ARHGEF4: variants seen among roughly 807,000 people sequenced by gnomAD.
ARHGEF4 encodes Rho guanine nucleotide exchange factor 4.
In ARHGEF4, 119 loss-of-function variants were observed where a neutral mutation model predicts 162.0. That is an observed-to-expected ratio of 0.73 (90% confidence interval 0.63 to 0.86). The LOEUF (loss-of-function observed/expected upper bound fraction) is 0.86, where lower values mean the gene tolerates loss of function less well. ARHGEF4 is among the 40% of genes least tolerant of loss of function. The pLI is 0.00. For synonymous variants in ARHGEF4, 1,014 were observed against 979.9 expected, an observed-to-expected ratio of 1.03 and a Z score of -0.65; for missense variants, 2,488 against 2,456.0, an observed-to-expected ratio of 1.01 and a Z score of -0.28.
intron 1 of ARHGEF4, among the ~76,000 whole-genome samples, chr2:130,866,502 A>T (rs1682290347): frequency 6.6e-6 from 1 of 152,284 alleles, no homozygotes; most frequent in East Asian, 1.9e-4. Flanking sequence ...AGGATGCATG[A>T]TGTTAGCCGT....
Position 130,975,001 on chromosome 2 carries a change from T to A in ARHGEF4, c.3985+28366T>A, listed in dbSNP as rs1180908529. 3.3e-5 allele frequency among the ~76,000 whole-genome samples: 5 copies of A among 151,416 alleles called. No individual in the cohort carries two copies. In the South Asian group the frequency reaches 1.0e-3, roughly 32 times the overall value. On this transcript the variant is annotated intron_variant, in intron 4 of 13. Transcript: ENST00000409359. ...ACTAAAGTTCTTTTTCCTTTTCCTT[T>A]AAAAAAAAATAAGTTAGTCTCAGGT...
chr2:131,020,591 T>C (rs894298703), intron 4 of ARHGEF4, among the ~76,000 whole-genome samples: 4 of 152,194 alleles, frequency 2.6e-5, no homozygotes, highest in African/African-American at 9.7e-5. Flanking sequence ...CAGTCTGTCG[T>C]TGTTGGACAT....
rs899884188 is a variant in ARHGEF4, at chr2:130,968,137, T to C, written c.3985+21502T>C. Among the ~76,000 whole-genome samples, 4 of 152,162 alleles carry C rather than the reference T, an allele frequency of 2.6e-5. 1 individual carries two copies. Among genetic ancestry groups the C allele is most frequent in the African/African-American group, 9.7e-5 (4 of 41,430 alleles). ...CATAAATCACATTGTTGGGGGAAAT[T>C]ATCTGGCATGGCCCAAGGCCCTAGA... On this transcript the variant is annotated intron_variant, in intron 4 of 13. Coordinates refer to ENST00000409359, the MANE Select transcript of ARHGEF4 (RefSeq NM_001367493.1).
At chr2:130,946,113 G>T (rs933560236) in intron 3 of ARHGEF4, among the ~76,000 whole-genome samples, 1 of 152,192 alleles carries the variant, frequency 6.6e-6, no homozygotes, top group Non-Finnish European at 1.5e-5. Context: ...ATAATTAGGA[G>T]ATGTCACGGA....
intron 1 of ARHGEF4, among the ~76,000 whole-genome samples, chr2:130,870,142 G>C (rs1014457489): frequency 3.8e-4 from 58 of 152,184 alleles, no homozygotes; most frequent in Non-Finnish European, 2.1e-4. Context: ...GACGCTGCTG[G>C]AGGGTGGGAG....
intron 4 of ARHGEF4, among the ~76,000 whole-genome samples, chr2:131,003,128 T>C (rs908314742): frequency 6.6e-6 from 1 of 152,128 alleles, no homozygotes; most frequent in Non-Finnish European, 1.5e-5. Flanking sequence ...ACCTTGACGA[T>C]GGGGCATTCG....
chr2:130,889,405 C>G (rs574933995), intron 1 of ARHGEF4, among the ~76,000 whole-genome samples: 1 of 152,168 alleles, frequency 6.6e-6, no homozygotes, highest in African/African-American at 2.4e-5. Flanking sequence ...GCTTCCCTTG[C>G]TATTCATTCT....
chr2:130,999,274 C>A (rs759353963), intron 4 of ARHGEF4, among the ~76,000 whole-genome samples: 1 of 151,518 alleles, frequency 6.6e-6, no homozygotes, highest in South Asian at 2.1e-4. Flanking sequence ...CCTGACTCAG[C>A]CTTCCAACTA....
intron 4 of ARHGEF4, among the ~76,000 whole-genome samples, chr2:130,955,500 T>G (rs1030496023): frequency 2.6e-5 from 4 of 152,192 alleles, no homozygotes; most frequent in Admixed American, 2.6e-4. Context: ...CCCGTGGGGT[T>G]AAGCTTCTGA....
chr2:130,957,146 T>C (rs1684335779), intron 4 of ARHGEF4, among the ~76,000 whole-genome samples: 1 of 151,842 alleles, frequency 6.6e-6, no homozygotes, highest in Non-Finnish European at 1.5e-5. Context: ...TTTTGTTTTT[T>C]ACATTTTAAA....
At chr2:130,988,893 T>TAGAGAGAGAG (rs1304546250) in intron 4 of ARHGEF4, among the ~76,000 whole-genome samples, 14 of 113,260 alleles carry the variant, frequency 1.2e-4, no homozygotes, top group Non-Finnish European at 1.3e-4. Context: ...TATATATATA[T>TAGAGAGAGAG]ATATATATAG....
chr2:131,020,030 G>C (rs1040468841), intron 4 of ARHGEF4, among the ~76,000 whole-genome samples: 1 of 152,120 alleles, frequency 6.6e-6, no homozygotes, highest in African/African-American at 2.4e-5. Flanking sequence ...ACTGATTTTT[G>C]TGTGTTAATT....
intron 3 of ARHGEF4, among the ~76,000 whole-genome samples, chr2:130,933,409 T>A (rs998388328): frequency 6.6e-6 from 1 of 152,218 alleles, no homozygotes; most frequent in Non-Finnish European, 1.5e-5. Context: ...GGCTTTTTGT[T>A]GGACCTTGCA....
intron 1 of ARHGEF4, among the ~76,000 whole-genome samples, chr2:130,839,163 G>A (rs1680424759): frequency 6.6e-6 from 1 of 152,056 alleles, no homozygotes; most frequent in Non-Finnish European, 1.5e-5. Context: ...AGTGTGTCTT[G>A]CCGAGCCACC....
intron 1 of ARHGEF4, among the ~76,000 whole-genome samples, chr2:130,885,138 C>T (rs80301927): frequency 6.6e-6 from 1 of 152,214 alleles, no homozygotes; most frequent in Non-Finnish European, 1.5e-5. Context: ...ACTGTCTCAT[C>T]TCCCTTCACT....
intron 4 of ARHGEF4, among the ~76,000 whole-genome samples, chr2:130,999,452 G>A (rs564211832): frequency 7.2e-5 from 11 of 152,186 alleles, no homozygotes; most frequent in South Asian, 2.1e-4. Flanking sequence ...CACTGTGCCC[G>A]GCCATAATCG....
intron 4 of ARHGEF4, among the ~76,000 whole-genome samples, chr2:130,958,946 CTT>C (rs530735577): frequency 4.9e-5 from 7 of 141,626 alleles, no homozygotes; most frequent in Admixed American, 7.1e-5. Context: ...TCTTTTCTTT[CTT>C]TTTTTTTTTT....
Position 131,040,077 on chromosome 2 carries a change from C to A in ARHGEF4, c.4367C>A (p.Ala1456Glu), listed in dbSNP as rs766664929. 1.9e-6 allele frequency: 3 copies of A among 1,602,220 alleles called. No individual in the cohort carries two copies. Among genetic ancestry groups the A allele is most frequent in the South Asian group, 1.1e-5 (1 of 89,616 alleles). ...DDAPLAGNSG[A>E]EDGGAEAQSS... ...GCCCCTCTGGCCGGGAACAGCGGAG[C>A]GGAGGACGGCGGGGCGGAGGCGCAG... is the stretch of plus-strand genomic sequence containing the variant. The change falls in exon 7 of 14, where the codon GCG becomes GAG. Residue 1456 changes from alanine to glutamate, a missense_variant. By Grantham distance (107) the Ala-to-Glu change is moderately radical. Transcript: ENST00000409359.
chr2:130,908,530 G>A (rs558435281), intron 1 of ARHGEF4, among the ~76,000 whole-genome samples: 20 of 152,272 alleles, frequency 1.3e-4, no homozygotes, highest in Middle Eastern at 3.4e-3. Flanking sequence ...TGAAAAATTA[G>A]CTGGGCATGG....
Sources: allele counts gnomAD v4.1 joint callset (sites outside exome capture counted in the v4.1 genomes callset), GRCh38; gene constraint gnomAD v4.1.1; transcripts MANE v1.5; gene names NCBI Gene and HGNC (gene_info 2026-07-23, HGNC 2026-07-21).